ACOT9: variants seen among roughly 807,000 people sequenced by gnomAD.
The protein encoded by ACOT9 is acyl-CoA thioesterase 9.
Under a neutral mutation model 39.7 loss-of-function variants are expected in ACOT9, and 34 were observed. That is an observed-to-expected ratio of 0.86 (90% CI 0.65 to 1.14). ACOT9 has a LOEUF of 1.14. ACOT9 is among the 50% of genes most tolerant of loss of function. ACOT9 has a pLI of 0.00. For synonymous variants in ACOT9, 110 were observed against 120.5 expected, an observed-to-expected ratio of 0.91 and a Z score of 0.57; for missense variants, 313 against 344.1, an observed-to-expected ratio of 0.91 and a Z score of 0.71.
At chrX:23,726,282 G>A (rs1270956569) in intron 6 of ACOT9, among the ~76,000 whole-genome samples, 2 of 111,435 alleles carry the variant, frequency 1.8e-5, no homozygotes, top group African/African-American at 6.5e-5. Flanking sequence ...AAAACCCTGG[G>A]GATAACCTAC....
At chrX:23,731,107 C>T in intron 4 of ACOT9, 121 bp from the exon 5 acceptor site, 9 of 482,593 alleles carry the variant, frequency 1.9e-5, no homozygotes, top group Non-Finnish European at 3.0e-5. Context: ...CTACTTTCAC[C>T]TTCTCTTCCT....
chrX:23,739,127 G>A (rs1364537477), intron 1 of ACOT9, among the ~76,000 whole-genome samples: 2 of 111,131 alleles, frequency 1.8e-5, no homozygotes, highest in Admixed American at 9.6e-5. Flanking sequence ...GCATGCTGGC[G>A]GGCACCTGCA....
chrX:23,706,558 CAAAAAAAAA>C lies in ACOT9; in HGVS notation c.842+61_842+69del, dbSNP rs35002168. 1.2e-3 allele frequency: 319 copies of C among 260,090 alleles called. 2 individuals carry two copies. In the African/African-American group the frequency reaches 0.018, roughly 15 times the overall value. 21.4% of individuals were successfully genotyped at this position (260,090 alleles called of 1,213,427 possible). On this transcript the variant is annotated intron_variant, in intron 11 of 15. Transcript: ENST00000379303. ...GGGTAACAAGAGCGAAACTCCGTCT[CAAAAAAAAA>C]AAAAAAAAAAAAAGGCCAAGGTTTA...
At chrX:23,726,658 T>A (rs1292110978) in intron 6 of ACOT9, among the ~76,000 whole-genome samples, 2 of 85,071 alleles carry the variant, frequency 2.4e-5, no homozygotes, top group African/African-American at 1.0e-4. Flanking sequence ...GAAAGAGGAT[T>A]TTTTACTTAT....
At chrX:23,733,325 T>A in intron 3 of ACOT9, 108 bp from the exon 4 acceptor site, 1 of 666,588 alleles carries the variant, frequency 1.5e-6, no homozygotes, top group Non-Finnish European at 2.3e-6. Context: ...TCAAAAGATT[T>A]AAAGATCCAT....
intron 9 of ACOT9, among the ~76,000 whole-genome samples, chrX:23,709,759 C>T (rs1928828660): frequency 8.9e-6 from 1 of 111,952 alleles, no homozygotes; most frequent in Admixed American, 9.5e-5. Context: ...GCTCTACCCC[C>T]ACAATTAGTT....
chrX:23,708,254 C>T (rs1375970182), intron 9 of ACOT9, among the ~76,000 whole-genome samples: 1 of 112,538 alleles, frequency 8.9e-6, no homozygotes, highest in Non-Finnish European at 1.9e-5. Flanking sequence ...TTAGGCCGGG[C>T]GTGGTGGCTC....
rs1928477181 is a variant in ACOT9, at chrX:23,701,290, G to GA, written c.*2603dup. Among the ~76,000 whole-genome samples, 1 of 110,915 alleles carries GA rather than the reference G, an allele frequency of 9.0e-6. No individual in the cohort carries two copies. The highest frequency in any genetic ancestry group is 3.3e-5 in the African/African-American group (1 of 30,495). Reference sequence around the variant, plus strand: ...AGGTAGATATGCAAAATGCTATATTGAAGGGCCAGGTAAATCTCAGTCAGG... The same window carrying GA: ...AGGTAGATATGCAAAATGCTATATTGAAAGGGCCAGGTAAATCTCAGTCAGG... On this transcript the variant is annotated 3_prime_UTR_variant, in exon 16 of 16. Coordinates refer to ENST00000379303, the MANE Select transcript of ACOT9 (RefSeq NM_001037171.2).
intron 8 of ACOT9, among the ~76,000 whole-genome samples, chrX:23,718,749 C>A: frequency 9.2e-6 from 1 of 108,622 alleles, no homozygotes. Flanking sequence ...ACTAAAAATA[C>A]AAAAAAATTA....
At chrX:23,720,113 G>T (rs939130415) in intron 8 of ACOT9, among the ~76,000 whole-genome samples, 1 of 112,902 alleles carries the variant, frequency 8.9e-6, no homozygotes, top group Admixed American at 9.4e-5. Context: ...GATTACAGGC[G>T]TGAGCCACCG....
chrX:23,704,166 GTTTTTTTTTTTT>G (rs1162671112), intron 15 of ACOT9, among the ~76,000 whole-genome samples, 184 bp from the exon 16 acceptor site: 2 of 66,321 alleles, frequency 3.0e-5, no homozygotes, highest in Non-Finnish European at 5.4e-5. Context: ...GGCTGGATCA[GTTTTTTTTTTTT>G]TTTTTTTTTT....
In ACOT9 at chrX:23,705,896, A is replaced by G. The variant is rs375946772; in HGVS notation, c.843-38T>C. 572 of 1,048,319 alleles carry G rather than the reference A, an allele frequency of 5.5e-4. 1 individual carries two copies. Among genetic ancestry groups the G allele is most frequent in the Non-Finnish European group, 6.3e-4 (471 of 749,704 alleles). The allele number at this position is 1,048,319 out of a possible 1,213,427, so 86.4% of individuals were successfully genotyped here. The stretch of plus-strand genomic sequence containing the variant: ...ATATTTATTAAACCCTGTTAATGCC[A>G]TGGTTCTCTTGTTGAAAAGTAAAAA... On this transcript the variant is annotated intron_variant, in intron 11 of 15. Transcript: ENST00000379303.
In ACOT9 at chrX:23,743,140, C is replaced by G; in HGVS notation, c.5G>C (p.Arg2Thr). M[R>T]RAALRLCALG... The stretch of plus-strand genomic sequence containing the variant: ...CGCCACCTACCGCAGTGCTGCCCGC[C>G]TCATTGCGCTAGGCTGCCGTGCGCG... Residue 2 changes from arginine (R) to threonine (T), a missense_variant, in exon 1 of 16, where the codon AGG (arginine) becomes ACG (threonine). By Grantham distance (71) the Arg-to-Thr change is moderately conservative (BLOSUM62 -1). Coordinates refer to ENST00000379303, the MANE Select transcript of ACOT9 (RefSeq NM_001037171.2). 8.6e-7 allele frequency: 1 copy of G among 1,161,448 alleles called. No homozygotes were observed. Among genetic ancestry groups the G allele is most frequent in the Non-Finnish European group, 1.1e-6 (1 of 869,581 alleles).
chrX:23,738,653 A>G (rs1249608652), intron 1 of ACOT9, among the ~76,000 whole-genome samples: 3 of 111,392 alleles, frequency 2.7e-5, no homozygotes, highest in African/African-American at 9.8e-5. Flanking sequence ...GTTTTAAAGA[A>G]CACACTGGAA....
intron 10 of ACOT9, 90 bp downstream of exon 10, chrX:23,707,787 G>A (rs1039765340): frequency 1.6e-6 from 1 of 635,864 alleles, no homozygotes. Context: ...TGACTGGTAT[G>A]AAGAGCCCAT....
At chrX:23,707,750 C>A (rs1601804301) in intron 10 of ACOT9, 127 bp downstream of exon 10, 39 of 452,086 alleles carry the variant, frequency 8.6e-5, no homozygotes, top group South Asian at 3.0e-4. Context: ...AAAAAACAAA[C>A]AAAAAAACAA....
intron 4 of ACOT9, among the ~76,000 whole-genome samples, chrX:23,731,277 A>G (rs1929735197): frequency 9.0e-6 from 1 of 111,532 alleles, no homozygotes; most frequent in Non-Finnish European, 1.9e-5. Flanking sequence ...GGGGTTCAAG[A>G]CCAGCCTGGC....
intron 9 of ACOT9, among the ~76,000 whole-genome samples, chrX:23,712,768 G>A (rs772164041): frequency 8.0e-5 from 9 of 111,875 alleles, no homozygotes; most frequent in South Asian, 3.7e-4. Context: ...CCATAGGCGC[G>A]TGCCACCACG....
At chrX:23,707,773 C>A in intron 10 of ACOT9, 104 bp downstream of exon 10, 5 of 526,282 alleles carry the variant, frequency 9.5e-6, no homozygotes, top group African/African-American at 2.5e-5. Context: ...AAAAAAAAGA[C>A]ATTTGACTGG....
Sources: gnomAD v4.1 joint callset for allele counts (sites outside exome capture counted in the v4.1 genomes callset) on GRCh38, gnomAD v4.1.1 for gene constraint, MANE v1.5 for transcripts, NCBI Gene and HGNC (gene_info 2026-07-23, HGNC 2026-07-21) for gene names.